Variants in RIMS2 observed in about 807,000 individuals in gnomAD.
RIMS2 encodes the protein regulating synaptic membrane exocytosis protein 2.
Under a neutral mutation model 174.4 loss-of-function variants are expected in RIMS2, and 59 were observed. The observed-to-expected ratio is 0.34, with a 90% CI of 0.27 to 0.42. The LOEUF (loss-of-function observed/expected upper bound fraction) is 0.42, where lower values mean the gene tolerates loss of function less well. Ranked by LOEUF, RIMS2 falls within the 10% of genes least tolerant of loss-of-function variation. The pLI is 1.00. For missense variants in RIMS2, 1,620 were observed against 1,666.3 expected, an observed-to-expected ratio of 0.97 and a Z score of 0.48; for synonymous variants, 606 against 572.5, an observed-to-expected ratio of 1.06 and a Z score of -0.84.
At chr8:103,718,510 G>C (rs997326087) in intron 2 of RIMS2, among the ~76,000 whole-genome samples, 9 of 152,152 alleles carry the variant, frequency 5.9e-5, no homozygotes, top group African/African-American at 2.2e-4. Flanking sequence ...AGAGATCCTG[G>C]ATTTGGAATT....
chr8:103,712,339 T>C (rs998456378), intron 2 of RIMS2, among the ~76,000 whole-genome samples: 2 of 152,008 alleles, frequency 1.3e-5, no homozygotes, highest in African/African-American at 4.8e-5. Flanking sequence ...TTTAAAAATA[T>C]GTAGGAGTAT....
intron 19 of RIMS2, among the ~76,000 whole-genome samples, chr8:104,031,554 T>C (rs933186599): frequency 6.6e-6 from 1 of 152,144 alleles, no homozygotes; most frequent in African/African-American, 2.4e-5. Context: ...TTACATAGTT[T>C]ATGTGAGAAT....
intron 12 of RIMS2, among the ~76,000 whole-genome samples, chr8:103,932,878 C>T (rs1357165578): frequency 7.2e-5 from 11 of 152,106 alleles, no homozygotes; most frequent in East Asian, 1.9e-4. Context: ...TCTCTATGGC[C>T]GGGTGTGGTG....
intron 2 of RIMS2, among the ~76,000 whole-genome samples, chr8:103,738,748 C>T (rs2097720310): frequency 6.6e-6 from 1 of 152,260 alleles, no homozygotes; most frequent in African/African-American, 2.4e-5. Context: ...CAAAAGAAGA[C>T]ATTTATGCAG....
chr8:103,911,991 A>T (rs2075763029), intron 5 of RIMS2, 62 bp from the exon 9 acceptor site: 3 of 1,313,402 alleles, frequency 2.3e-6, no homozygotes, highest in Non-Finnish European at 3.1e-6. Flanking sequence ...TCATAAAACG[A>T]TAAATAAAAT....
chr8:103,618,597 G>C (rs2095559204), intron 1 of RIMS2, among the ~76,000 whole-genome samples: 1 of 152,082 alleles, frequency 6.6e-6, no homozygotes, highest in Admixed American at 6.6e-5. Context: ...TAATAACTAT[G>C]ACTTTTGTCT....
intron 17 of RIMS2, among the ~76,000 whole-genome samples, chr8:104,003,063 T>C (rs2095447356): frequency 6.6e-6 from 1 of 152,160 alleles, no homozygotes; most frequent in Non-Finnish European, 1.5e-5. Context: ...TTAATAAATA[T>C]AACCTTTTTT....
At chr8:103,784,485 A>ACG in intron 3 of RIMS2, among the ~76,000 whole-genome samples, 2 of 104,494 alleles carry the variant, frequency 1.9e-5, no homozygotes, top group African/African-American at 3.8e-5. Context: ...CTTTCTACAT[A>ACG]TGGCTAGCCA....
At chr8:104,188,795 A>G (rs2098982773) in intron 19 of RIMS2, among the ~76,000 whole-genome samples, 1 of 151,590 alleles carries the variant, frequency 6.6e-6, no homozygotes, top group Non-Finnish European at 1.5e-5. Context: ...ATTTCACTAG[A>G]CTCTTCAGTA....
At chr8:104,229,116 C>A (rs1372323546) in intron 19 of RIMS2, among the ~76,000 whole-genome samples, 1 of 152,142 alleles carries the variant, frequency 6.6e-6, no homozygotes, top group Non-Finnish European at 1.5e-5. Flanking sequence ...TTAACAGGTT[C>A]ACTACCAGTA....
At chr8:104,043,023 A>T (rs1383516371) in intron 19 of RIMS2, among the ~76,000 whole-genome samples, 5 of 151,630 alleles carry the variant, frequency 3.3e-5, no homozygotes, top group South Asian at 2.1e-4. Context: ...AAGAGAATTT[A>T]AAAAAATCTG....
intron 2 of RIMS2, among the ~76,000 whole-genome samples, chr8:103,746,529 T>G (rs1444836313): frequency 6.6e-6 from 1 of 152,128 alleles, no homozygotes; most frequent in Non-Finnish European, 1.5e-5. Context: ...GGGGGTTCAT[T>G]GTGCAGATTA....
chr8:103,560,543 A>G (rs2449911), intron 1 of RIMS2, among the ~76,000 whole-genome samples: 51,174 of 152,058 alleles, frequency 0.34, 9,492 homozygotes, highest in East Asian at 0.77. Context: ...GTTGCTGAAT[A>G]CACAGATCAA....
exon 17 of RIMS2, chr8:103,989,412 A>G (rs2094549854): frequency 1.3e-5 from 20 of 1,553,740 alleles, no homozygotes; most frequent in Non-Finnish European, 1.7e-5. Flanking sequence ...TATTCTCCAG[A>G]TAGAGACAGG....
At chr8:104,169,823 T>C (rs887106137) in intron 19 of RIMS2, among the ~76,000 whole-genome samples, 1 of 152,106 alleles carries the variant, frequency 6.6e-6, no homozygotes, top group Non-Finnish European at 1.5e-5. Flanking sequence ...CACAATGAAC[T>C]TTCCTCTTAT....
intron 1 of RIMS2, among the ~76,000 whole-genome samples, chr8:103,608,852 G>T (rs1024397223): frequency 6.6e-6 from 1 of 152,138 alleles, no homozygotes; most frequent in Non-Finnish European, 1.5e-5. Context: ...GCTTTGGCTC[G>T]CGCACGGTGC....
chr8:103,968,300 T>G (rs2092392253), intron 15 of RIMS2, among the ~76,000 whole-genome samples: 1 of 152,186 alleles, frequency 6.6e-6, no homozygotes, highest in Admixed American at 6.5e-5. Context: ...ACAGTCTCTT[T>G]TAGTTAGTGC....
intron 19 of RIMS2, among the ~76,000 whole-genome samples, chr8:104,083,182 G>T (rs2097458395): frequency 6.6e-6 from 1 of 152,046 alleles, no homozygotes; most frequent in Non-Finnish European, 1.5e-5. Context: ...CAATTCTCAG[G>T]CCCCTTCAGG....
At chr8:103,526,173 T>C (rs1263752615) in intron 1 of RIMS2, among the ~76,000 whole-genome samples, 1 of 152,120 alleles carries the variant, frequency 6.6e-6, no homozygotes, top group Non-Finnish European at 1.5e-5. Context: ...CCCCCAGGCT[T>C]TGGGTTGGGA....
Sources: gnomAD v4.1 joint callset for allele counts (sites outside exome capture counted in the v4.1 genomes callset) on GRCh38, gnomAD v4.1.1 for gene constraint, MANE v1.5 for transcripts, NCBI Gene and HGNC (gene_info 2026-07-23, HGNC 2026-07-21) for gene names.